The following PRKN variants were observed in gnomAD, a reference collection of about 807,000 sequenced individuals.
PRKN encodes the protein E3 ubiquitin-protein ligase parkin.
A neutral mutation model predicts 59.5 loss-of-function variants in PRKN; 56 were observed. The observed-to-expected ratio is 0.94, with a 90% CI of 0.76 to 1.18. The LOEUF (loss-of-function observed/expected upper bound fraction) is 1.18. Ranked by LOEUF, PRKN falls within the 50% of genes most tolerant of loss-of-function variation. The pLI is 0.00. For synonymous variants in PRKN, 250 were observed against 222.1 expected, an observed-to-expected ratio of 1.13 and a Z score of -1.12; for missense variants, 657 against 596.4, an observed-to-expected ratio of 1.10 and a Z score of -1.06.
chr6:162,207,865 A>T (rs1201083812), intron 3 of PRKN, among the ~76,000 whole-genome samples: 3 of 152,142 alleles, frequency 2.0e-5, no homozygotes, highest in Non-Finnish European at 2.9e-5. Flanking sequence ...AAATTCTCCC[A>T]TATTTTTAAT....
chr6:162,715,752 T>C (rs1214442588), intron 1 of PRKN, among the ~76,000 whole-genome samples: 1 of 152,160 alleles, frequency 6.6e-6, no homozygotes, highest in Non-Finnish European at 1.5e-5. Context: ...CCCTAATCTA[T>C]CATCACCTCC....
intron 7 of PRKN, among the ~76,000 whole-genome samples, chr6:161,616,236 T>C (rs1190213709): frequency 2.0e-5 from 3 of 152,176 alleles, no homozygotes; most frequent in Admixed American, 6.5e-5. Flanking sequence ...GTATTTCATT[T>C]GCGAAAGCAA....
At chr6:161,455,332 C>T (rs1185416706) in intron 9 of PRKN, among the ~76,000 whole-genome samples, 3 of 152,092 alleles carry the variant, frequency 2.0e-5, no homozygotes, top group Admixed American at 1.3e-4. Flanking sequence ...CCACCACGCC[C>T]GGCCTGACAC....
At chr6:161,770,998 T>G (rs1789649661) in intron 7 of PRKN, among the ~76,000 whole-genome samples, 1 of 151,964 alleles carries the variant, frequency 6.6e-6, no homozygotes, top group Admixed American at 6.6e-5. Flanking sequence ...TGTGGGAAAA[T>G]TAATTCCTGC....
In PRKN at chr6:162,547,979, A is replaced by G. The variant is rs187852239; in HGVS notation, c.8-104506T>C. On this transcript the variant is annotated intron_variant, in intron 1 of 11. Transcript: ENST00000366898. ...CCTCATTAGGCTGTGCCAAGGACACAAAGTCAGCAGGGATCGAGACACCAT... is the reference window on the plus strand; with the variant it reads ...CCTCATTAGGCTGTGCCAAGGACACGAAGTCAGCAGGGATCGAGACACCAT... Among the ~76,000 whole-genome samples, 103 of 152,294 alleles carry G rather than the reference A, an allele frequency of 6.8e-4. 1 individual carries two copies. Among genetic ancestry groups the G allele is most frequent in the Non-Finnish European group, 1.3e-4 (9 of 68,030 alleles).
At chr6:162,503,166 C>T (rs375059291) in intron 1 of PRKN, among the ~76,000 whole-genome samples, 3 of 72,356 alleles carry the variant, frequency 4.1e-5, no homozygotes, top group Non-Finnish European at 6.4e-5. Flanking sequence ...TTTTGTTGGC[C>T]GGGGGGTGTT....
intron 6 of PRKN, among the ~76,000 whole-genome samples, chr6:161,973,061 G>C (rs539211261): frequency 1.3e-5 from 2 of 152,188 alleles, no homozygotes; most frequent in South Asian, 4.1e-4. Context: ...TCCCATCTTA[G>C]GACCCTATTT....
At chr6:162,124,480 C>T in intron 4 of PRKN, among the ~76,000 whole-genome samples, 1 of 152,038 alleles carries the variant, frequency 6.6e-6, no homozygotes, top group East Asian at 1.9e-4. Flanking sequence ...TAACAGCAGA[C>T]ATTAAGCAAG....
chr6:162,141,539 ATATTTTGCTT>A (rs1273032670), intron 4 of PRKN, among the ~76,000 whole-genome samples: 2 of 152,224 alleles, frequency 1.3e-5, no homozygotes, highest in East Asian at 3.8e-4. Flanking sequence ...AAATTTCAAC[ATATTTTGCTT>A]TATTGATTAT....
chr6:162,666,384 A>G (rs1179897038), intron 1 of PRKN, among the ~76,000 whole-genome samples: 1 of 137,014 alleles, frequency 7.3e-6, no homozygotes, highest in East Asian at 2.0e-4. Flanking sequence ...ACAGATGTGA[A>G]CTAAAATATC....
intron 6 of PRKN, among the ~76,000 whole-genome samples, chr6:161,941,813 A>G (rs1470708265): frequency 1.3e-5 from 2 of 152,174 alleles, no homozygotes; most frequent in African/African-American, 2.4e-5. Flanking sequence ...TTCCTGTTTC[A>G]ATACCTGGTT....
intron 9 of PRKN, among the ~76,000 whole-genome samples, chr6:161,532,166 C>CTCTATATATA (rs1355724171): frequency 1.7e-5 from 2 of 115,420 alleles, no homozygotes; most frequent in African/African-American, 6.6e-5. Flanking sequence ...CTCTCTCTCT[C>CTCTATATATA]TATATATATA....
Position 161,480,512 on chromosome 6 carries a change from G to C in PRKN, c.1083+68342C>G, listed in dbSNP as rs1472116841. ...CAGACTCACAAAATGCCAGAAGCGAGAGTTTGATTCCATTGGTATTAATAA... is the reference window on the plus strand; with the variant it reads ...CAGACTCACAAAATGCCAGAAGCGACAGTTTGATTCCATTGGTATTAATAA... On this transcript the variant is annotated intron_variant, in intron 9 of 11. Coordinates refer to ENST00000366898, the MANE Select transcript of PRKN (RefSeq NM_004562.3). The surrounding 1 kb of genome is among the most constrained non-coding windows in gnomAD (Gnocchi z 4.1). Among the ~76,000 whole-genome samples the C allele has an allele frequency of 6.6e-6, 1 of 152,212 alleles. No homozygotes were observed. Among genetic ancestry groups the C allele is most frequent in the Non-Finnish European group, 1.5e-5 (1 of 68,046 alleles).
At chr6:162,340,000 C>A (rs943555375) in intron 2 of PRKN, among the ~76,000 whole-genome samples, 4 of 147,238 alleles carry the variant, frequency 2.7e-5, no homozygotes, top group Non-Finnish European at 4.5e-5. Flanking sequence ...ACAAACACTG[C>A]GGAAGGCCGC....
chr6:162,194,459 A>G (rs1202244173), intron 4 of PRKN, among the ~76,000 whole-genome samples: 1 of 152,178 alleles, frequency 6.6e-6, no homozygotes, highest in African/African-American at 2.4e-5. Context: ...CCCAGGCATG[A>G]ATTATCAAAA....
At chr6:162,721,774 A>T (rs776639524) in intron 1 of PRKN, among the ~76,000 whole-genome samples, 1 of 152,120 alleles carries the variant, frequency 6.6e-6, no homozygotes, top group Non-Finnish European at 1.5e-5. Context: ...ATGTTGGCTG[A>T]CTCTAAAGGA....
intron 2 of PRKN, among the ~76,000 whole-genome samples, chr6:162,379,341 C>T (rs1047872843): frequency 1.3e-5 from 2 of 152,120 alleles, no homozygotes; most frequent in African/African-American, 4.8e-5. Context: ...CATTGTCCTT[C>T]TGAAAGGCCC....
rs139341081 is a variant in PRKN at position 161,361,760 on chromosome 6, C to G, written c.1168-1555G>C. ...ATTTGTGAATACTTTGCTAGAATAA[C>G]GTGGAGTCAGCTGCTCGGAGGCAAC... On this transcript the variant is annotated intron_variant, in intron 10 of 11. Transcript: ENST00000366898. This position sits in a 1 kb window ranked among gnomAD's most constrained non-coding sequence, Gnocchi z 5.2. 5.9e-5 allele frequency among the ~76,000 whole-genome samples: 9 copies of G among 152,318 alleles called. No individual in the cohort carries two copies. The highest frequency in any genetic ancestry group is 2.1e-4 in the South Asian group (1 of 4,820).
chr6:162,407,583 C>T (rs936023976), intron 2 of PRKN, among the ~76,000 whole-genome samples: 5 of 152,144 alleles, frequency 3.3e-5, no homozygotes, highest in Non-Finnish European at 7.3e-5. Context: ...GACAGTCAAT[C>T]ACAACTGTCT....
Sources: gnomAD v4.1 joint callset for allele counts (sites outside exome capture counted in the v4.1 genomes callset) on GRCh38, gnomAD v4.1.1 for gene constraint, Gnocchi (gnomAD v3.1) non-coding constraint, MANE v1.5 for transcripts, NCBI Gene and HGNC (gene_info 2026-07-23, HGNC 2026-07-21) for gene names.